STT3B: variants seen among roughly 807,000 people sequenced by gnomAD.
STT3B encodes STT3 oligosaccharyltransferase complex catalytic subunit B.
STT3B carries 29 observed loss-of-function variants against 96.8 expected under a neutral mutation model. That is an observed-to-expected ratio of 0.30 (90% confidence interval 0.22 to 0.41). STT3B has a LOEUF of 0.41. STT3B is among the 10% of genes least tolerant of loss of function. STT3B has a pLI of 1.00. For synonymous variants in STT3B, 367 were observed against 360.0 expected (o/e 1.02, Z -0.22); for missense variants, 640 against 1,022.3 (o/e 0.63, Z 5.10).
intron 14 of STT3B, 118 bp downstream of exon 14, chr3:31,629,529 T>A (rs537758648): frequency 1.9e-6 from 1 of 519,256 alleles, no homozygotes; most frequent in Non-Finnish European, 3.4e-6. Flanking sequence ...AATGTGCTTA[T>A]CTAAATAGTC....
chr3:31,605,757 G>T (rs1699036945), intron 5 of STT3B, among the ~76,000 whole-genome samples: 2 of 152,196 alleles, frequency 1.3e-5, no homozygotes. Flanking sequence ...GTGGAAGGCT[G>T]CTGAAAAGAT....
At chr3:31,537,405 C>T (rs1697128871) in intron 1 of STT3B, among the ~76,000 whole-genome samples, 2 of 152,162 alleles carry the variant, frequency 1.3e-5, no homozygotes, top group Non-Finnish European at 2.9e-5. Flanking sequence ...TTTGTGGGAT[C>T]ATTAGCATCA....
At chr3:31,533,937 A>G (rs775251928) in intron 1 of STT3B, among the ~76,000 whole-genome samples, 4 of 152,162 alleles carry the variant, frequency 2.6e-5, no homozygotes, top group Admixed American at 6.5e-5. Flanking sequence ...GGCGTGTTGG[A>G]GGGAAGGAAA....
chr3:31,623,787 T>C lies in STT3B; in HGVS notation c.1653T>C (p.Ala551=). 6.2e-7 allele frequency: 1 copy of C among 1,614,104 alleles called. No individual in the cohort carries two copies. Among genetic ancestry groups the C allele is most frequent in the Non-Finnish European group, 8.5e-7 (1 of 1,179,984 alleles). ...MLMLMLLMMF[A]VHCTWVTSNA... ...TGCTGATGCTATTGATGATGTTTGC[T>C]GTCCACTGTACCTGGGTCACAAGCA... The change falls in exon 11 of 16, where the codon GCT becomes GCC. Residue 551 remains alanine, a synonymous_variant. Coordinates refer to ENST00000295770, the MANE Select transcript of STT3B (RefSeq NM_178862.3).
chr3:31,574,200 G>T (rs1433784393), intron 1 of STT3B, among the ~76,000 whole-genome samples: 6 of 152,066 alleles, frequency 3.9e-5, no homozygotes, highest in Admixed American at 2.0e-4. Context: ...TTTCGGGGGG[G>T]TGTTACTCTT....
At chr3:31,621,364 G>T (rs1434891670) in intron 9 of STT3B, among the ~76,000 whole-genome samples, 2 of 152,142 alleles carry the variant, frequency 1.3e-5, no homozygotes, top group Non-Finnish European at 2.9e-5. Context: ...ATCATTATGG[G>T]TTGTAGTTAC....
intron 15 of STT3B, 160 bp downstream of exon 15, chr3:31,633,307 A>T: frequency 1.5e-6 from 1 of 678,626 alleles, no homozygotes; most frequent in African/African-American, 1.8e-5. Flanking sequence ...TGCTAGGAGC[A>T]TTCCTTTCAA....
intron 1 of STT3B, among the ~76,000 whole-genome samples, chr3:31,534,014 G>A (rs1044931628): frequency 4.6e-5 from 7 of 152,220 alleles, no homozygotes; most frequent in Non-Finnish European, 1.5e-5. Flanking sequence ...ATTTTAAAGA[G>A]TGGCTTTTTT....
intron 6 of STT3B, 23 bp downstream of exon 6, chr3:31,615,226 T>G (rs1699280920): frequency 1.3e-6 from 2 of 1,541,212 alleles, no homozygotes; most frequent in African/African-American, 1.4e-5. Flanking sequence ...TATATTTTCC[T>G]TCTTCTAAAG....
chr3:31,544,214 G>A (rs903255510), intron 1 of STT3B, among the ~76,000 whole-genome samples: 2 of 152,106 alleles, frequency 1.3e-5, no homozygotes, highest in Non-Finnish European at 2.9e-5. Flanking sequence ...TGCAAATTAA[G>A]CAACACTTTA....
chr3:31,552,049 G>A (rs1697573343), intron 1 of STT3B, among the ~76,000 whole-genome samples: 1 of 152,158 alleles, frequency 6.6e-6, no homozygotes, highest in South Asian at 2.1e-4. Flanking sequence ...CAACCCTGGT[G>A]ACATCCTGAT....
At position 31,579,841 on chromosome 3, in the gene STT3B, T is replaced by C; in HGVS notation, c.456T>C (p.Leu152=). The C allele has an allele frequency of 6.2e-7, 1 of 1,613,740 alleles. No homozygotes were observed. Among genetic ancestry groups the C allele is most frequent in the Non-Finnish European group, 8.5e-7 (1 of 1,179,716 alleles). Residue 152 remains leucine, a synonymous_variant, in exon 3 of 16, where the codon CTT becomes CTC. Transcript: ENST00000295770. ...VYPGLMITAG[L]IHWILNTLNI... ...CAGGGTTGATGATAACCGCTGGCCT[T>C]ATTCATTGGATTTTAAATACATTGA...
intron 5 of STT3B, 50 bp downstream of exon 5, chr3:31,600,509 C>A: frequency 1.2e-6 from 1 of 830,810 alleles, no homozygotes; most frequent in South Asian, 1.7e-5. Context: ...GTTTTGTATT[C>A]ATTCATTTTA....
chr3:31,559,132 T>G (rs1394929649), intron 1 of STT3B, among the ~76,000 whole-genome samples: 1 of 144,932 alleles, frequency 6.9e-6, no homozygotes, highest in Non-Finnish European at 1.5e-5. Flanking sequence ...TGTTTTTGTT[T>G]CATTGATTCT....
intron 9 of STT3B, 73 bp from the exon 10 acceptor site, chr3:31,622,024 G>GTGTGT (rs66468423): frequency 1.7e-6 from 2 of 1,166,950 alleles, no homozygotes; most frequent in East Asian, 5.2e-5. Context: ...TGGTTTTATA[G>GTGTGT]TTTTAAGTAT....
At chr3:31,621,463 G>T (rs1451272937) in intron 9 of STT3B, among the ~76,000 whole-genome samples, 1 of 152,186 alleles carries the variant, frequency 6.6e-6, no homozygotes, top group Non-Finnish European at 1.5e-5. Context: ...AATTTAATTA[G>T]CATCAGATAA....
chr3:31,635,317 G>C (rs1420414703), intron 15 of STT3B, among the ~76,000 whole-genome samples: 1 of 152,124 alleles, frequency 6.6e-6, no homozygotes, highest in African/African-American at 2.4e-5. Context: ...TTGTACCACT[G>C]CATTTCCGGT....
chr3:31,607,232 A>G (rs930916587), intron 5 of STT3B, among the ~76,000 whole-genome samples: 19 of 152,144 alleles, frequency 1.2e-4, no homozygotes, highest in African/African-American at 4.1e-4. Flanking sequence ...AAATGAGTTA[A>G]GACTTGGGAC....
intron 1 of STT3B, among the ~76,000 whole-genome samples, chr3:31,537,622 T>C (rs1697134949): frequency 6.6e-6 from 1 of 152,130 alleles, no homozygotes; most frequent in Non-Finnish European, 1.5e-5. Flanking sequence ...CCTTCCCCCT[T>C]TATGGTTTTC....
Sources: gnomAD v4.1 joint callset for allele counts (sites outside exome capture counted in the v4.1 genomes callset) on GRCh38, gnomAD v4.1.1 for gene constraint, MANE v1.5 for transcripts, NCBI Gene and HGNC (gene_info 2026-07-23, HGNC 2026-07-21) for gene names.